Variants in CCPG1 observed in about 807,000 individuals in gnomAD.
The protein encoded by CCPG1 is cell cycle progression 1, also known as cell cycle progression protein 1.
Under a neutral mutation model 81.3 loss-of-function variants are expected in CCPG1, and 46 were observed. The ratio of observed to expected loss-of-function variants is 0.57; its 90% CI spans 0.45 to 0.72. CCPG1 has a LOEUF of 0.72. Ranked by LOEUF, CCPG1 falls within the 30% of genes least tolerant of loss-of-function variation. The pLI is 0.00. For synonymous variants in CCPG1, 330 were observed against 305.2 expected, an observed-to-expected ratio of 1.08 and a Z score of -0.85; for missense variants, 902 against 937.6, an observed-to-expected ratio of 0.96 and a Z score of 0.50.
At chr15:55,393,895 C>A (rs943615224) in intron 1 of CCPG1, among the ~76,000 whole-genome samples, 2 of 152,218 alleles carry the variant, frequency 1.3e-5, no homozygotes, top group Non-Finnish European at 2.9e-5. Context: ...GAAACCCCCA[C>A]AAATTCTATA....
Position 55,371,932 on chromosome 15 carries a change from T to C in CCPG1, c.567A>G (p.Glu189=), listed in dbSNP as rs1010596243. 3 of 1,614,204 alleles carry C rather than the reference T, an allele frequency of 1.9e-6. No homozygotes were observed. The highest frequency in any genetic ancestry group is 1.3e-5 in the African/African-American group (1 of 75,066). The change falls in exon 6 of 9, where the codon GAA becomes GAG. Residue 189 remains glutamate, a synonymous_variant. Transcript: ENST00000442196. ...RARKKTVSAS[E]SEDRLVAEQE... ...GTTCAGCAACTAGCCGGTCTTCAGA[T>C]TCTGAAGCAGAAACGGTCTTCTTCC... is the stretch of plus-strand genomic sequence containing the variant.
At chr15:55,387,894 G>C (rs2056834341) in intron 2 of CCPG1, among the ~76,000 whole-genome samples, 1 of 148,046 alleles carries the variant, frequency 6.8e-6, no homozygotes, top group South Asian at 2.3e-4. Flanking sequence ...GCTCACGCCT[G>C]TAATCCCAGT....
In CCPG1 at chr15:55,376,949, C is replaced by T. The variant is rs2056579621; in HGVS notation, c.454G>A (p.Val152Ile). The stretch of plus-strand genomic sequence containing the variant: ...AAGTCTCTTATCAGTGTATTCTTAC[C>T]AGTTTCTGGCTGACAGAAAGTATAC... ...SQYTFCQPET[V>I]FSSQPSDDES... The change falls in exon 5 of 9, where the codon GTA (valine) becomes ATA (isoleucine). Residue 152 changes from valine (V) to isoleucine (I), a missense_variant and splice_region_variant. Val to Ile is a conservative substitution (Grantham distance 29). Around this residue, in one of 3 missense-constraint regions of CCPG1, gnomAD observed 746 missense variants for 728.6 expected, o/e 1.02. Coordinates refer to ENST00000442196, the MANE Select transcript of CCPG1 (RefSeq NM_001204450.2). 1.2e-6 allele frequency: 2 copies of T among 1,609,298 alleles called. No homozygotes were observed. Among genetic ancestry groups the T allele is most frequent in the East Asian group, 4.5e-5 (2 of 44,814 alleles).
chr15:55,378,001 T>C (rs1338350803), intron 4 of CCPG1, among the ~76,000 whole-genome samples: 1 of 152,174 alleles, frequency 6.6e-6, no homozygotes, highest in Admixed American at 6.5e-5. Flanking sequence ...TCTCAGGTTG[T>C]TACCAAATTT....
intron 5 of CCPG1, among the ~76,000 whole-genome samples, chr15:55,375,753 G>A (rs1469647424): frequency 6.6e-6 from 1 of 150,726 alleles, no homozygotes; most frequent in South Asian, 2.1e-4. Context: ...TGGGTGCAGT[G>A]GCGCAATCTC....
intron 1 of CCPG1, among the ~76,000 whole-genome samples, chr15:55,392,921 G>A (rs571176240): frequency 6.6e-6 from 1 of 152,140 alleles, no homozygotes; most frequent in Non-Finnish European, 1.5e-5. Flanking sequence ...TGGCAAAGAT[G>A]ATGAAACCCT....
intron 8 of CCPG1, chr15:55,357,168 A>T: frequency 1.1e-6 from 1 of 942,716 alleles, no homozygotes; most frequent in Non-Finnish European, 1.3e-6. Flanking sequence ...TTACCTCCAA[A>T]CACAATTCTC....
intron 5 of CCPG1, among the ~76,000 whole-genome samples, chr15:55,375,645 C>A (rs944698796): frequency 6.6e-6 from 1 of 151,550 alleles, no homozygotes; most frequent in Non-Finnish European, 1.5e-5. Flanking sequence ...GATATACTAA[C>A]TGAAAATAAC....
In CCPG1 at chr15:55,377,125, T is replaced by C. The variant is rs1211661259; in HGVS notation, c.278A>G (p.Asp93Gly). 6.2e-7 allele frequency: 1 copy of C among 1,612,728 alleles called. No homozygotes were observed. The highest frequency in any genetic ancestry group is 2.2e-5 in the East Asian group (1 of 44,852). ...IEAEEQKIPE[D>G]SIYIGTASDD... ...ACTGGCAGTTCCAATATAGATACTG[T>C]CTTCGGGTATCTTTTGTTCCTCTGC... The change falls in exon 5 of 9, where the codon GAC (aspartate) becomes GGC (glycine). Residue 93 changes from aspartate (D) to glycine (G), a missense_variant. Asp to Gly is a moderately conservative substitution (Grantham distance 94, BLOSUM62 -1). Transcript: ENST00000442196.
intron 1 of CCPG1, 37 bp from the exon 2 acceptor site, chr15:55,389,470 T>A: frequency 7.3e-7 from 1 of 1,362,064 alleles, no homozygotes; most frequent in Non-Finnish European, 1.0e-6. Context: ...ATGAGACACA[T>A]TTTTTTTAAT....
chr15:55,406,216 C>CT (rs35010457), intron 1 of CCPG1, among the ~76,000 whole-genome samples: 32,823 of 136,934 alleles, frequency 0.24, 4,586 homozygotes, highest in Non-Finnish European at 0.33. Flanking sequence ...GGAATTGCTG[C>CT]TTTTTTTTTT....
At chr15:55,373,432 G>C (rs987322615) in intron 5 of CCPG1, among the ~76,000 whole-genome samples, 3 of 152,212 alleles carry the variant, frequency 2.0e-5, no homozygotes, top group African/African-American at 7.2e-5. Context: ...ATATTTTTCA[G>C]AGATGGATCA....
chr15:55,378,678 G>A lies in CCPG1; in HGVS notation c.176-302C>T, dbSNP rs1201060452. On this transcript the variant is annotated intron_variant, in intron 3 of 8. Transcript: ENST00000442196. ...GAGTGCAGTGGCACTATCTTGGCTCGCTGCAACCTCTGCCTCCTGGGTTCA... is the reference window on the plus strand; with the variant it reads ...GAGTGCAGTGGCACTATCTTGGCTCACTGCAACCTCTGCCTCCTGGGTTCA... 5.3e-5 allele frequency among the ~76,000 whole-genome samples: 8 copies of A among 150,786 alleles called. 1 individual carries two copies. The South Asian group carries it at 6.3e-4, about 12-fold the overall frequency.
At chr15:55,359,329 A>G (rs747069343) in intron 8 of CCPG1, 16 of 1,262,976 alleles carry the variant, frequency 1.3e-5, no homozygotes, top group Non-Finnish European at 1.6e-5. Flanking sequence ...TGCTCAAGTC[A>G]AAGTGATCAC....
At chr15:55,406,066 C>G (rs923793551) in intron 1 of CCPG1, among the ~76,000 whole-genome samples, 2 of 152,148 alleles carry the variant, frequency 1.3e-5, no homozygotes, top group Admixed American at 6.6e-5. Flanking sequence ...GGTTTTGCCA[C>G]GTTGGCCAGG....
Position 55,389,408 on chromosome 15 carries a change from C to G in CCPG1, c.17G>C (p.Ser6Thr). 1 of 1,611,462 alleles carries G rather than the reference C, an allele frequency of 6.2e-7. No individual in the cohort carries two copies. The highest frequency in any genetic ancestry group is 8.5e-7 in the Non-Finnish European group (1 of 1,177,688). ...CCAACCACAAGATGAATCACTGTCA[C>G]TGGAATTTTCAGACATCTTTCAGGT... MSENSSDSDSSCGWTV... is the reference protein window; with the variant it reads MSENSTDSDSSCGWTV... Residue 6 changes from serine to threonine, a missense_variant, in exon 2 of 9, where the codon AGT (serine) becomes ACT (threonine). By Grantham distance (58) the Ser-to-Thr change is moderately conservative. This residue lies in a region of CCPG1 where 28 missense variants were observed against 47.8 expected (regional missense o/e 0.59). Coordinates refer to ENST00000442196, the MANE Select transcript of CCPG1 (RefSeq NM_001204450.2).
chr15:55,362,154 C>G (rs189048788), intron 7 of CCPG1, among the ~76,000 whole-genome samples: 2 of 152,166 alleles, frequency 1.3e-5, no homozygotes, highest in East Asian at 3.9e-4. Context: ...TAACCAAAAA[C>G]AGTCAAAACT....
At chr15:55,364,162 A>T (rs1221741259) in intron 7 of CCPG1, among the ~76,000 whole-genome samples, 2 of 150,558 alleles carry the variant, frequency 1.3e-5, no homozygotes, top group African/African-American at 4.9e-5. Flanking sequence ...TTAGGAAAAA[A>T]CTAGATAAGA....
chr15:55,364,097 C>T (rs1335519634), intron 7 of CCPG1, among the ~76,000 whole-genome samples: 1 of 150,350 alleles, frequency 6.7e-6, no homozygotes, highest in Non-Finnish European at 1.5e-5. Context: ...GGGAGGTTGC[C>T]ACCACACCCA....
Sources: allele counts gnomAD v4.1 joint callset (sites outside exome capture counted in the v4.1 genomes callset), GRCh38; gene constraint gnomAD v4.1.1; regional missense constraint gnomAD v4.1.1; transcripts MANE v1.5; gene names NCBI Gene and HGNC (gene_info 2026-07-23, HGNC 2026-07-21).